UHRF1: variants seen among roughly 807,000 people sequenced by gnomAD.
UHRF1 encodes E3 ubiquitin-protein ligase UHRF1.
A neutral mutation model predicts 96.5 loss-of-function variants in UHRF1; 9 were observed. The observed-to-expected ratio is 0.09, with a 90% CI of 0.06 to 0.16. UHRF1 has a LOEUF of 0.16. Ranked by LOEUF, UHRF1 falls within the 10% of genes least tolerant of loss-of-function variation. The pLI, the probability that UHRF1 is intolerant of heterozygous loss-of-function variation, is 1.00. For missense variants in UHRF1, 626 were observed against 1,131.1 expected (o/e 0.55, Z 6.40); for synonymous variants, 455 against 469.9 (o/e 0.97, Z 0.41).
chr19:4,950,081 G>A (rs1031004470), intron 11 of UHRF1, among the ~76,000 whole-genome samples: 1 of 150,320 alleles, frequency 6.7e-6, no homozygotes, highest in African/African-American at 2.4e-5. Flanking sequence ...ACGTTGGCCA[G>A]GCTGGTCTTG....
Position 4,954,555 on chromosome 19 carries a change from G to A in UHRF1, c.1957+67G>A, listed in dbSNP as rs2033802768. ...GGGAGCAGGTGGGCATCTCGCGGGT[G>A]TGGGGTTGAGGTCGTGTGGACGTGG... On this transcript the variant is annotated intron_variant, in intron 14 of 16. Coordinates refer to ENST00000650932, the MANE Select transcript of UHRF1 (RefSeq NM_001048201.3). This position sits in a 1 kb window ranked among gnomAD's most constrained non-coding sequence, Gnocchi z 5.9. The A allele has an allele frequency of 1.9e-6, 3 of 1,584,628 alleles. No homozygotes were observed. Among genetic ancestry groups the A allele is most frequent in the East Asian group, 4.5e-5 (2 of 44,518 alleles).
At chr19:4,959,757 C>T (rs1267040480) in intron 16 of UHRF1, among the ~76,000 whole-genome samples, 1 of 152,206 alleles carries the variant, frequency 6.6e-6, no homozygotes, top group African/African-American at 2.4e-5. Context: ...GGCTGGAGTG[C>T]AATGGCGTGA....
intron 5 of UHRF1, among the ~76,000 whole-genome samples, chr19:4,937,428 C>A (rs568816905): frequency 9.5e-4 from 144 of 151,224 alleles, no homozygotes; most frequent in Middle Eastern, 6.9e-3. Context: ...GTGATGTGAT[C>A]TTGGCTCACT....
At chr19:4,955,372 C>T (rs17884345) in intron 15 of UHRF1, among the ~76,000 whole-genome samples, 254 of 152,172 alleles carry the variant, frequency 1.7e-3, no homozygotes, top group African/African-American at 5.5e-3. Context: ...ACAGCCACAG[C>T]GCATCTTCTT....
At chr19:4,940,027 A>G (rs2033342324) in intron 5 of UHRF1, among the ~76,000 whole-genome samples, 1 of 152,014 alleles carries the variant, frequency 6.6e-6, no homozygotes, top group African/African-American at 2.4e-5. Context: ...GTCTCAAAAA[A>G]AAAAAAAAAA....
intron 5 of UHRF1, among the ~76,000 whole-genome samples, chr19:4,934,201 T>C (rs189483485): frequency 1.3e-5 from 2 of 151,820 alleles, no homozygotes; most frequent in East Asian, 1.9e-4. Context: ...TTTTTGTATA[T>C]ATATATATAT....
At chr19:4,931,286 CCGT>C in intron 4 of UHRF1, among the ~76,000 whole-genome samples, 2 of 152,268 alleles carry the variant, frequency 1.3e-5, no homozygotes, top group East Asian at 3.9e-4. Context: ...CTGCGTCTGT[CCGT>C]GCTGCCATCG....
chr19:4,946,275 G>A (rs546510728), intron 10 of UHRF1, among the ~76,000 whole-genome samples: 52 of 152,068 alleles, frequency 3.4e-4, no homozygotes, highest in African/African-American at 1.1e-3. Flanking sequence ...GGAATCGCAC[G>A]GCCTGCGTCC....
At chr19:4,909,996 T>A in intron 1 of UHRF1, 4 of 181,892 alleles carry the variant, frequency 2.2e-5, no homozygotes, top group South Asian at 1.8e-4. Flanking sequence ...TCGCGCGCCC[T>A]GAGTTCCCCG....
rs1316294818 is a variant in UHRF1, at chr19:4,961,288, G to T, written c.*485G>T. The stretch of plus-strand genomic sequence containing the variant: ...GACATGGTTCCCCGTGGTGGCCCGT[G>T]GCAGCCCGTGGCATGGCGTGGCTCA... On this transcript the variant is annotated 3_prime_UTR_variant, in exon 17 of 17. Transcript: ENST00000650932. 1 of 116,454 alleles carries T rather than the reference G, an allele frequency of 8.6e-6. No homozygotes were observed. The highest frequency in any genetic ancestry group is 1.8e-5 in the Non-Finnish European group (1 of 56,842). The allele number at this position is 116,454 out of a possible 1,614,324, so 7.2% of individuals were successfully genotyped here. A position where few individuals can be genotyped will look rare whatever the true frequency, so the allele number is the denominator to read the frequency against.
At chr19:4,939,846 A>T (rs181768967) in intron 5 of UHRF1, among the ~76,000 whole-genome samples, 26 of 152,222 alleles carry the variant, frequency 1.7e-4, no homozygotes, top group Admixed American at 7.9e-4. Context: ...AACACGGTGA[A>T]ACCCCGTCTC....
intron 5 of UHRF1, among the ~76,000 whole-genome samples, chr19:4,935,855 C>T (rs2033200164): frequency 6.6e-6 from 1 of 152,148 alleles, no homozygotes; most frequent in Non-Finnish European, 1.5e-5. Flanking sequence ...CCTTAGGCTC[C>T]ATCCGCACCA....
At chr19:4,926,183 C>T (rs990751401) in intron 2 of UHRF1, among the ~76,000 whole-genome samples, 1 of 152,190 alleles carries the variant, frequency 6.6e-6, no homozygotes, top group African/African-American at 2.4e-5. Flanking sequence ...CGTGAGCCAC[C>T]GCACCCAGCC....
chr19:4,939,248 G>A (rs1000984371), intron 5 of UHRF1, among the ~76,000 whole-genome samples: 8 of 143,444 alleles, frequency 5.6e-5, no homozygotes, highest in African/African-American at 7.8e-5. Context: ...TTTAATTTTC[G>A]GTAGCAATGG....
At chr19:4,943,154 C>T (rs770514670) in intron 7 of UHRF1, among the ~76,000 whole-genome samples, 11 of 151,892 alleles carry the variant, frequency 7.2e-5, no homozygotes, top group African/African-American at 9.7e-5. Flanking sequence ...GTAGGAGAAT[C>T]GCTTGAACCT....
At chr19:4,935,268 T>C (rs1487449664) in intron 5 of UHRF1, among the ~76,000 whole-genome samples, 3 of 152,128 alleles carry the variant, frequency 2.0e-5, no homozygotes, top group Non-Finnish European at 4.4e-5. Context: ...GCACCCAGCC[T>C]ATCTGGTTTT....
chr19:4,925,817 C>T (rs1233891729), intron 2 of UHRF1, among the ~76,000 whole-genome samples: 6 of 149,004 alleles, frequency 4.0e-5, no homozygotes, highest in East Asian at 1.9e-4. Flanking sequence ...CCACCGCACG[C>T]GGCCTGAGTC....
rs372479749 is a variant in UHRF1 at position 4,941,757 on chromosome 19, C to T, written c.899C>T (p.Pro300Leu). Residue 300 changes from proline (P) to leucine (L), a missense_variant, in exon 7 of 17, where the codon CCG becomes CTG. By Grantham distance (98) the Pro-to-Leu change is moderately conservative. Around this residue, in one of 11 missense-constraint regions of UHRF1, gnomAD observed 198 missense variants for 235.1 expected, o/e 0.84. Transcript: ENST00000650932. ...GCCCCGTGCCCAGGGAAGAGCGGGCCGTCCTGCAAGCACTGCAAGGACGAC... is the reference window on the plus strand; with the variant it reads ...GCCCCGTGCCCAGGGAAGAGCGGGCTGTCCTGCAAGCACTGCAAGGACGAC... The part of the protein sequence containing the change: ...VDNPMRRKSG[P>L]SCKHCKDDVN... 19 of 1,547,194 alleles carry T rather than the reference C, an allele frequency of 1.2e-5. No homozygotes were observed. The highest frequency in any genetic ancestry group is 2.0e-5 in the Admixed American group (1 of 48,958).
intron 13 of UHRF1, among the ~76,000 whole-genome samples, chr19:4,953,750 A>T (rs2033780768): frequency 6.6e-6 from 1 of 152,146 alleles, no homozygotes; most frequent in South Asian, 2.1e-4. Context: ...ATTTAATAAA[A>T]ATTAGAATGT....
Sources: allele counts gnomAD v4.1 joint callset (sites outside exome capture counted in the v4.1 genomes callset), GRCh38; gene constraint gnomAD v4.1.1; regional missense constraint gnomAD v4.1.1; non-coding constraint Gnocchi (gnomAD v3.1); transcripts MANE v1.5; gene names NCBI Gene and HGNC (gene_info 2026-07-23, HGNC 2026-07-21).